Variants in BPI observed in about 807,000 individuals in gnomAD.
The protein encoded by BPI is bactericidal permeability-increasing protein.
BPI carries 48 observed loss-of-function variants against 57.6 expected under a neutral mutation model. The ratio of observed to expected loss-of-function variants is 0.83; its 90% CI spans 0.66 to 1.06. BPI has a LOEUF of 1.06. Among genes scored for constraint, BPI ranks in the 50% least tolerant of loss-of-function variants. BPI has a pLI of 0.00. For synonymous variants in BPI, 237 were observed against 238.2 expected (o/e 0.99, Z 0.05); for missense variants, 651 against 609.7 (o/e 1.07, Z -0.71).
At chr20:38,324,863 G>GC (rs770808870) in intron 9 of BPI, 30 bp downstream of exon 9, 1 of 1,570,236 alleles carries the variant, frequency 6.4e-7, no homozygotes. Context: ...CCTTTAGTGA[G>GC]CCCCGGGGGT....
In BPI at chr20:38,337,312, A is replaced by G; in HGVS notation, c.*128A>G. 1.3e-6 allele frequency: 1 copy of G among 743,412 alleles called. No homozygotes were observed. 46.1% of individuals were successfully genotyped at this position (743,412 alleles called of 1,614,324 possible). ...AGCCCCTTGCAAACTTCTTCGACTCAGATTCAGAAATGATCTAAACACGAG... is the reference window on the plus strand; with the variant it reads ...AGCCCCTTGCAAACTTCTTCGACTCGGATTCAGAAATGATCTAAACACGAG... On this transcript the variant is annotated 3_prime_UTR_variant, in exon 15 of 15. Coordinates refer to ENST00000642449, the MANE Select transcript of BPI (RefSeq NM_001725.3).
At chr20:38,311,506 G>A (rs1436500471) in intron 4 of BPI, among the ~76,000 whole-genome samples, 1 of 152,212 alleles carries the variant, frequency 6.6e-6, no homozygotes, top group African/African-American at 2.4e-5. Context: ...CATTAGTTAG[G>A]GAGGTGTTGG....
chr20:38,322,727 C>G lies in BPI; in HGVS notation c.757-1143C>G, dbSNP rs921904387. Among the ~76,000 whole-genome samples the G allele has an allele frequency of 2.6e-5, 4 of 152,198 alleles. No individual in the cohort carries two copies. In the South Asian group the frequency reaches 8.3e-4, roughly 32 times the overall value. On this transcript the variant is annotated intron_variant, in intron 7 of 14. Transcript: ENST00000642449. ...CCAGGTTCAGGCGATTCTCCTGCTT[C>G]AGCCTCCGGTCACTGGGATTACAGG...
intron 6 of BPI, chr20:38,319,939 C>A: frequency 3.8e-6 from 2 of 525,024 alleles, no homozygotes; most frequent in South Asian, 4.9e-5. Flanking sequence ...TGCCCTTGAC[C>A]CTGTGTCTTA....
rs1448933401 is a variant in BPI, at chr20:38,323,856, G to A, written c.757-14G>A. 8 of 1,612,300 alleles carry A rather than the reference G, an allele frequency of 5.0e-6. No individual in the cohort carries two copies. In the Admixed American group the frequency reaches 5.0e-5, roughly 10 times the overall value. On this transcript the variant is annotated splice_polypyrimidine_tract_variant and intron_variant, in intron 7 of 14. Transcript: ENST00000642449. Reference sequence around the variant, plus strand: ...GAAGAATATCTGGGCTCACTCTGTTGCCTCTACCCCCAGGGGGAGTTTTAC... The same window carrying A: ...GAAGAATATCTGGGCTCACTCTGTTACCTCTACCCCCAGGGGGAGTTTTAC...
Position 38,307,673 on chromosome 20 carries a change from C to T in BPI, c.237C>T (p.Ser79=), listed in dbSNP as rs1157123658. 1 of 1,609,744 alleles carries T rather than the reference C, an allele frequency of 6.2e-7. No homozygotes were observed. Among genetic ancestry groups the T allele is most frequent in the Non-Finnish European group, 8.5e-7 (1 of 1,177,402 alleles). ...AGCATCTTGGGAAGGGGCATTATAGCTTCTACAGGTGAGGCCTATCAGAGC... is the reference window on the plus strand; with the variant it reads ...AGCATCTTGGGAAGGGGCATTATAGTTTCTACAGGTGAGGCCTATCAGAGC... ...KIKHLGKGHY[S]FYSMDIREFQ... The change falls in exon 2 of 15, where the codon AGC becomes AGT. Residue 79 remains serine (S), a synonymous_variant. Coordinates refer to ENST00000642449, the MANE Select transcript of BPI (RefSeq NM_001725.3).
In BPI at chr20:38,331,909, G is replaced by A. The variant is rs1051513235; in HGVS notation, c.1272+819G>A. Among the ~76,000 whole-genome samples the A allele has an allele frequency of 9.0e-4, 137 of 152,164 alleles. 1 individual carries two copies. Among genetic ancestry groups the A allele is most frequent in the Admixed American group, 8.5e-3 (130 of 15,272 alleles). On this transcript the variant is annotated intron_variant, in intron 12 of 14. Transcript: ENST00000642449. ...CAATCAAAGCTATAAAAACCAAAGC[G>A]GGGATGGGCGGAAAGTGATGAGGGA...
intron 13 of BPI, among the ~76,000 whole-genome samples, chr20:38,334,700 A>G (rs1462416753): frequency 6.6e-6 from 1 of 152,204 alleles, no homozygotes; most frequent in Non-Finnish European, 1.5e-5. Context: ...TTGATTCATT[A>G]TTGCGTGAGT....
At chr20:38,337,035 C>T in intron 14 of BPI, 111 bp from the exon 15 acceptor site, 1 of 1,109,104 alleles carries the variant, frequency 9.0e-7, no homozygotes, top group Non-Finnish European at 1.3e-6. Context: ...CTGCCTTTCT[C>T]CTTCCTAAGA....
intron 4 of BPI, 138 bp downstream of exon 4, chr20:38,310,790 G>A: frequency 1.8e-6 from 2 of 1,104,936 alleles, no homozygotes; most frequent in Non-Finnish European, 2.5e-6. Context: ...TGGTATGGGG[G>A]CCAGGGGCCC....
Position 38,325,585 on chromosome 20 carries a change from A to G in BPI, c.994-680A>G, listed in dbSNP as rs150967539. On this transcript the variant is annotated intron_variant, in intron 9 of 14. Coordinates refer to ENST00000642449, the MANE Select transcript of BPI (RefSeq NM_001725.3). ...GTTATGAACTCACTTAACCTCAGTTACTTCGTTAGAGGCCCTTCTCCAAAT... is the reference window on the plus strand; with the variant it reads ...GTTATGAACTCACTTAACCTCAGTTGCTTCGTTAGAGGCCCTTCTCCAAAT... Among the ~76,000 whole-genome samples, 17 of 152,322 alleles carry G rather than the reference A, an allele frequency of 1.1e-4. No individual in the cohort carries two copies. In the East Asian group the frequency reaches 3.3e-3, roughly 29 times the overall value.
intron 5 of BPI, among the ~76,000 whole-genome samples, chr20:38,313,365 G>A (rs868281373): frequency 7.8e-4 from 98 of 126,052 alleles, no homozygotes; most frequent in Non-Finnish European, 1.2e-3. Context: ...CCTGGGCAAC[G>A]AGAGTGAAAC....
chr20:38,313,982 T>C (rs1474649364), intron 5 of BPI, among the ~76,000 whole-genome samples: 1 of 151,184 alleles, frequency 6.6e-6, no homozygotes, highest in African/African-American at 2.4e-5. Flanking sequence ...GTGAGGTTGA[T>C]GGTGATTATG....
At chr20:38,335,695 C>T in intron 14 of BPI, 21 bp downstream of exon 14, 1 of 1,607,308 alleles carries the variant, frequency 6.2e-7, no homozygotes, top group Non-Finnish European at 8.5e-7. Flanking sequence ...GAGTCTTTTC[C>T]ACAAATCTCC....
intron 13 of BPI, among the ~76,000 whole-genome samples, chr20:38,335,009 A>G (rs749172013): frequency 1.3e-5 from 2 of 152,210 alleles, no homozygotes; most frequent in Non-Finnish European, 2.9e-5. Context: ...AGAGGCCCAT[A>G]TAACCTGTGA....
At chr20:38,318,851 T>C (rs983803408) in intron 6 of BPI, among the ~76,000 whole-genome samples, 1 of 152,146 alleles carries the variant, frequency 6.6e-6, no homozygotes, top group Admixed American at 6.5e-5. Context: ...CCCAAGTACT[T>C]GGCAAGCTGC....
intron 1 of BPI, among the ~76,000 whole-genome samples, chr20:38,305,181 C>A (rs1191097516): frequency 6.6e-6 from 1 of 152,164 alleles, no homozygotes; most frequent in South Asian, 2.1e-4. Context: ...ACTCAGGGGA[C>A]CTGGTATCCC....
intron 3 of BPI, among the ~76,000 whole-genome samples, chr20:38,309,521 T>A (rs990654422): frequency 6.6e-6 from 1 of 152,108 alleles, no homozygotes; most frequent in African/African-American, 2.4e-5. Context: ...AGCATATTCT[T>A]GGTGATAGCA....
At chr20:38,334,324 A>C in intron 12 of BPI, 106 bp from the exon 13 acceptor site, 1 of 1,068,960 alleles carries the variant, frequency 9.4e-7, no homozygotes, top group Non-Finnish European at 1.4e-6. Context: ...GTTGCTGAGC[A>C]GCGCTAGGGG....
Sources: gnomAD v4.1 joint callset for allele counts (sites outside exome capture counted in the v4.1 genomes callset) on GRCh38, gnomAD v4.1.1 for gene constraint, MANE v1.5 for transcripts, NCBI Gene and HGNC (gene_info 2026-07-23, HGNC 2026-07-21) for gene names.